CAMTA2: variants seen among roughly 807,000 people sequenced by gnomAD.
The protein encoded by CAMTA2 is calmodulin binding transcription activator 2.
Under a neutral mutation model 135.7 loss-of-function variants are expected in CAMTA2, and 56 were observed. The observed-to-expected ratio is 0.41, with a 90% CI of 0.33 to 0.52. The LOEUF (loss-of-function observed/expected upper bound fraction) is 0.52, where lower values mean the gene tolerates loss of function less well. CAMTA2 is among the 20% of genes least tolerant of loss of function. CAMTA2 has a pLI of 0.16. For synonymous variants in CAMTA2, 591 were observed against 604.6 expected, an observed-to-expected ratio of 0.98 and a Z score of 0.33; for missense variants, 1,358 against 1,553.4, an observed-to-expected ratio of 0.87 and a Z score of 2.11.
At chr17:4,974,129 TC>T in intron 12 of CAMTA2, 2 of 532,572 alleles carry the variant, frequency 3.8e-6, no homozygotes, top group Non-Finnish European at 6.8e-6. Flanking sequence ...TCCTGACCCC[TC>T]CCCCGCCCTC....
chr17:4,973,183 T>C lies in CAMTA2; in HGVS notation c.2272A>G (p.Thr758Ala). The change falls in exon 14 of 23, where the codon ACC becomes GCC. Residue 758 changes from threonine to alanine, a missense_variant. By Grantham distance (58) the Thr-to-Ala change is moderately conservative. This residue lies in a region of CAMTA2 where 1,077 missense variants were observed against 1,127.5 expected (regional missense o/e 0.96). Coordinates refer to ENST00000348066, the MANE Select transcript of CAMTA2 (RefSeq NM_015099.4). Reference sequence around the variant, plus strand: ...GAATCCGTCATCCTCACCAGAGGGGTGCAAGAGAAATGATCCACGTTGAGC... The same window carrying C: ...GAATCCGTCATCCTCACCAGAGGGGCGCAAGAGAAATGATCCACGTTGAGC... ...DPLNVDHFSC[T>A]PLMWACALGH... is the part of the protein sequence containing the mutation. The C allele has an allele frequency of 6.2e-7, 1 of 1,613,708 alleles. No individual in the cohort carries two copies. The highest frequency in any genetic ancestry group is 8.5e-7 in the Non-Finnish European group (1 of 1,179,660).
Position 4,969,612 on chromosome 17 carries a change from G to A in CAMTA2, c.3261+18C>T, listed in dbSNP as rs781310988. The A allele has an allele frequency of 2.5e-6, 4 of 1,613,964 alleles. No individual in the cohort carries two copies. The highest frequency in any genetic ancestry group is 3.4e-6 in the Non-Finnish European group (4 of 1,179,976). ...TTGGTGGGTTGCTGGTTACACTTTT[G>A]AGGGAGAAGGGTCTCACCTGCTTGT... On this transcript the variant is annotated intron_variant, in intron 19 of 22. Transcript: ENST00000348066. This position sits in a 1 kb window ranked among gnomAD's most constrained non-coding sequence, Gnocchi z 5.6.
chr17:4,968,635 A>G lies in CAMTA2; in HGVS notation c.*121T>C. On this transcript the variant is annotated 3_prime_UTR_variant, in exon 23 of 23. Coordinates refer to ENST00000348066, the MANE Select transcript of CAMTA2 (RefSeq NM_015099.4). ...TGGGGAGGAGGGAGGAGGCCTACAG[A>G]GGGCTCCAACAAAGGTGAACAGGAA... 1 of 1,078,308 alleles carries G rather than the reference A, an allele frequency of 9.3e-7. No individual in the cohort carries two copies. Among genetic ancestry groups the G allele is most frequent in the Non-Finnish European group, 1.4e-6 (1 of 720,806 alleles). The allele number at this position is 1,078,308 out of a possible 1,614,324, so 66.8% of individuals were successfully genotyped here. A position where few individuals can be genotyped will look rare whatever the true frequency, so the allele number is the denominator to read the frequency against.
At chr17:4,983,221 A>G in intron 3 of CAMTA2, 178 bp from the exon 4 acceptor site, 1 of 594,958 alleles carries the variant, frequency 1.7e-6, no homozygotes, top group Non-Finnish European at 3.1e-6. Flanking sequence ...CTTTTGTCCT[A>G]AGACAAAAGT....
Position 4,972,861 on chromosome 17 carries a change from C to A in CAMTA2, c.2411G>T (p.Arg804Leu), listed in dbSNP as rs758790145. The change falls in exon 15 of 23, where the codon CGC becomes CTC. Residue 804 changes from arginine (R) to leucine (L), a missense_variant. By Grantham distance (102) the Arg-to-Leu change is moderately radical. Around this residue, in one of 4 missense-constraint regions of CAMTA2, gnomAD observed 1,077 missense variants for 1,127.5 expected, o/e 0.96. Transcript: ENST00000348066. ...TAGTTCCTCAAGGCAGCGGGCAAGG[C>A]GCACATGACCCCGGGAATGAGCCAC... ...LSVAHSRGHV[R>L]LARCLEELQR... 3.7e-6 allele frequency: 6 copies of A among 1,613,750 alleles called. No homozygotes were observed. The Admixed American group carries it at 5.0e-5, about 13-fold the overall frequency.
At chr17:4,974,527 G>T in intron 11 of CAMTA2, 27 bp from the exon 12 acceptor site, 1 of 1,448,590 alleles carries the variant, frequency 6.9e-7, no homozygotes, top group South Asian at 1.1e-5. Context: ...ATGGGAGGCT[G>T]AGTGGGCAGT....
At position 4,980,711 on chromosome 17, in the gene CAMTA2, A is replaced by C. The variant is rs1019216013; in HGVS notation, c.701-90T>G. ...GAGGCCCTTAAAAGTATTTCCTGGG[A>C]CGTCCCTATAAACCAGAGGTGTAAT... On this transcript the variant is annotated intron_variant, in intron 8 of 22. Transcript: ENST00000348066. This position sits in a 1 kb window ranked among gnomAD's most constrained non-coding sequence, Gnocchi z 5.3. 8 of 1,000,600 alleles carry C rather than the reference A, an allele frequency of 8.0e-6. No homozygotes were observed. The highest frequency in any genetic ancestry group is 6.0e-4 in the Middle Eastern group (2 of 3,336). 62.0% of individuals were successfully genotyped at this position (1,000,600 alleles called of 1,614,324 possible). A position where few individuals can be genotyped will look rare whatever the true frequency, so the allele number is the denominator to read the frequency against.
At chr17:4,981,090 TG>T in intron 8 of CAMTA2, 134 bp downstream of exon 8, 1 of 1,114,108 alleles carries the variant, frequency 9.0e-7, no homozygotes, top group Non-Finnish European at 1.3e-6. Flanking sequence ...TCTGTTCATC[TG>T]GCCCATCTTT....
Position 4,968,024 on chromosome 17 carries a change from G to A in CAMTA2, c.*732C>T, listed in dbSNP as rs1972018104. The A allele has an allele frequency of 1.7e-6, 1 of 575,098 alleles. No homozygotes were observed. Among genetic ancestry groups the A allele is most frequent in the Non-Finnish European group, 3.1e-6 (1 of 321,256 alleles). 35.6% of individuals were successfully genotyped at this position (575,098 alleles called of 1,614,324 possible). On this transcript the variant is annotated 3_prime_UTR_variant, in exon 23 of 23. Transcript: ENST00000348066. ...GTGCAGCGATGTTTAATGGCAATTC[G>A]TATAAACCAAGCCCATGCACAAGTA...
At position 4,980,608 on chromosome 17, in the gene CAMTA2, A is replaced by G; in HGVS notation, c.714T>C (p.Leu238=). The change falls in exon 9 of 23, where the codon CTT becomes CTC. Residue 238 remains leucine (L), a synonymous_variant. Coordinates refer to ENST00000348066, the MANE Select transcript of CAMTA2 (RefSeq NM_015099.4). The surrounding 1 kb of genome is among the most constrained non-coding windows in gnomAD (Gnocchi z 5.3). ...LCSGGLGSGS[L]THKCSSTKHR... is the part of the protein sequence containing the mutation. The stretch of plus-strand genomic sequence containing the variant: ...GTTTCGTGCTGCTGCATTTGTGGGT[A>G]AGGCTCCCAGAACCTGGAGTGGAGA... 6.2e-7 allele frequency: 1 copy of G among 1,613,862 alleles called. No individual in the cohort carries two copies. Among genetic ancestry groups the G allele is most frequent in the Non-Finnish European group, 8.5e-7 (1 of 1,179,878 alleles).
At position 4,981,662 on chromosome 17, in the gene CAMTA2, C is replaced by T; in HGVS notation, c.565+16G>A. On this transcript the variant is annotated intron_variant, in intron 7 of 22. Coordinates refer to ENST00000348066, the MANE Select transcript of CAMTA2 (RefSeq NM_015099.4). ...TACTCTCCCCTTGGAGCTCTATCCC[C>T]ACCCTGCTGCCTTACACATGGGCTT... The T allele has an allele frequency of 8.2e-6, 13 of 1,580,520 alleles. No individual in the cohort carries two copies. Among genetic ancestry groups the T allele is most frequent in the Non-Finnish European group, 1.1e-5 (13 of 1,160,552 alleles).
chr17:4,984,910 C>T (rs746842991), intron 3 of CAMTA2, among the ~76,000 whole-genome samples: 36 of 151,774 alleles, frequency 2.4e-4, no homozygotes, highest in Admixed American at 1.8e-3. Flanking sequence ...CCAGCTACTC[C>T]GGAGGCTGAG....
rs1972923989 is a variant in CAMTA2 at position 4,980,964 on chromosome 17, A to C, written c.700+261T>G. ...AGGAGGAAGGCTAAGGCTGGGTGTC[A>C]CTGGTGGTGCTGAGGGGACAGGAAT... On this transcript the variant is annotated intron_variant, in intron 8 of 22. Transcript: ENST00000348066. The surrounding 1 kb of genome is among the most constrained non-coding windows in gnomAD (Gnocchi z 5.3). Among the ~76,000 whole-genome samples the C allele has an allele frequency of 6.6e-6, 1 of 152,150 alleles. No homozygotes were observed. The highest frequency in any genetic ancestry group is 2.4e-5 in the African/African-American group (1 of 41,426).
chr17:4,973,383 G>C, intron 13 of CAMTA2, 130 bp from the exon 14 acceptor site: 2 of 875,616 alleles, frequency 2.3e-6, no homozygotes, highest in Non-Finnish European at 3.8e-6. Flanking sequence ...AAGGACACTA[G>C]CTTAAGGAGG....
chr17:4,970,241 C>A, intron 17 of CAMTA2, 99 bp downstream of exon 17: 2 of 1,459,008 alleles, frequency 1.4e-6, no homozygotes, highest in Admixed American at 1.7e-5. Flanking sequence ...GGCCCTGGGG[C>A]CTCAGCCAGA....
chr17:4,973,297 A>G (rs772052602), intron 13 of CAMTA2, 44 bp from the exon 14 acceptor site: 18 of 1,494,420 alleles, frequency 1.2e-5, no homozygotes, highest in Admixed American at 1.7e-5. Flanking sequence ...ATGAGGGAAA[A>G]AGTGGGCAAA....
intron 5 of CAMTA2, 48 bp downstream of exon 5, chr17:4,982,709 G>A (rs754195475): frequency 1.9e-6 from 3 of 1,607,528 alleles, no homozygotes; most frequent in Non-Finnish European, 2.6e-6. Flanking sequence ...AGCTAAGGGT[G>A]GAGGAGGGCA....
At chr17:4,975,893 TTAAA>T (rs1253163026) in intron 11 of CAMTA2, among the ~76,000 whole-genome samples, 1 of 151,924 alleles carries the variant, frequency 6.6e-6, no homozygotes, top group African/African-American at 2.4e-5. Flanking sequence ...ACTCCCAGAT[TTAAA>T]TAAATAAATA....
intron 9 of CAMTA2, 29 bp from the exon 10 acceptor site, chr17:4,978,659 CTG>C (rs1972774649): frequency 1.2e-6 from 2 of 1,606,128 alleles, no homozygotes; most frequent in Middle Eastern, 1.7e-4. Flanking sequence ...GACCATGTGA[CTG>C]GAGTTGGGCG....
Sources: allele counts gnomAD v4.1 joint callset (sites outside exome capture counted in the v4.1 genomes callset), GRCh38; gene constraint gnomAD v4.1.1; regional missense constraint gnomAD v4.1.1; non-coding constraint Gnocchi (gnomAD v3.1); transcripts MANE v1.5; gene names NCBI Gene and HGNC (gene_info 2026-07-23, HGNC 2026-07-21).